Variants in CCDC196 observed in about 807,000 individuals in gnomAD.
CCDC196 encodes coiled-coil domain-containing protein 196.
At chr14:66,490,074 G>A (rs1368664378) in intron 4 of CCDC196, among the ~76,000 whole-genome samples, 1 of 151,934 alleles carries the variant, frequency 6.6e-6, no homozygotes, top group Non-Finnish European at 1.5e-5. Flanking sequence ...ATTGAGATCT[G>A]CTCCAGGTTC....
chr14:66,495,262 T>C (rs1411205187), intron 8 of CCDC196, among the ~76,000 whole-genome samples: 1 of 152,156 alleles, frequency 6.6e-6, no homozygotes. Context: ...AATTTAAGAC[T>C]CAGATACATG....
At position 66,488,183 on chromosome 14, in the gene CCDC196, T is replaced by C; in HGVS notation, c.227T>C (p.Met76Thr). 4.8e-6 allele frequency: 2 copies of C among 413,180 alleles called. No homozygotes were observed. The highest frequency in any genetic ancestry group is 1.3e-4 in the South Asian group (1 of 7,852). 25.6% of individuals were successfully genotyped at this position (413,180 alleles called of 1,614,324 possible). Residue 76 changes from methionine to threonine, a missense_variant, in exon 3 of 10, where the codon ATG (methionine) becomes ACG (threonine). Physicochemically the swap from Met to Thr is moderately conservative, Grantham distance 81. Coordinates refer to ENST00000636229, the MANE Select transcript of CCDC196 (RefSeq NM_001351576.1). ...QRSLQIMRQI[M>T]AGKGCEESSV... ...AGTCTTCAGATCATGAGACAGATCA[T>C]GGCAGGGAAGGGGTGTGAGGAATCC...
rs1378768940 is a variant in CCDC196, at chr14:66,486,717, G to C, written c.111G>C (p.Lys37Asn). ...KELNEDLKLRKQELLEMLKPL... is the reference protein window; with the variant it reads ...KELNEDLKLRNQELLEMLKPL... ...TGAATGAGGACTTAAAGCTAAGGAA[G>C]CAGGAACTGCTAGAGATGCTCAAAC... The change falls in exon 2 of 10, where the codon AAG becomes AAC. Residue 37 changes from lysine to asparagine, a missense_variant. Coordinates refer to ENST00000636229, the MANE Select transcript of CCDC196 (RefSeq NM_001351576.1). 2 of 413,310 alleles carry C rather than the reference G, an allele frequency of 4.8e-6. No individual in the cohort carries two copies. The highest frequency in any genetic ancestry group is 8.8e-5 in the Admixed American group (2 of 22,710). 25.6% of individuals were successfully genotyped at this position (413,310 alleles called of 1,614,324 possible). A position where few individuals can be genotyped will look rare whatever the true frequency, so the allele number is the denominator to read the frequency against.
At chr14:66,493,570 C>T (rs778304501) in intron 8 of CCDC196, among the ~76,000 whole-genome samples, 12 of 152,048 alleles carry the variant, frequency 7.9e-5, no homozygotes, top group Non-Finnish European at 1.6e-4. Flanking sequence ...CTCCTCTGTT[C>T]TTTGGCATAA....
intron 3 of CCDC196, among the ~76,000 whole-genome samples, 173 bp from the exon 4 acceptor site, chr14:66,488,814 C>T (rs540969063): frequency 1.0e-3 from 157 of 152,164 alleles, no homozygotes; most frequent in African/African-American, 3.4e-3. Flanking sequence ...TCATCATCAT[C>T]AAACATCTCT....
rs1040832616 is a variant in CCDC196, at chr14:66,490,824, G to C, written c.429+5G>C. 3 of 400,166 alleles carry C rather than the reference G, an allele frequency of 7.5e-6. No homozygotes were observed. Among genetic ancestry groups the C allele is most frequent in the Admixed American group, 4.4e-5 (1 of 22,746 alleles). The allele number at this position is 400,166 out of a possible 1,614,324, so 24.8% of individuals were successfully genotyped here. A position where few individuals can be genotyped will look rare whatever the true frequency, so the allele number is the denominator to read the frequency against. Reference sequence around the variant, plus strand: ...GCAGACTTGCAGGATGGAAAGGCAAGTGGACTGCATGTACTTAAAATTTCA... The same window carrying C: ...GCAGACTTGCAGGATGGAAAGGCAACTGGACTGCATGTACTTAAAATTTCA... On this transcript the variant is annotated splice_donor_5th_base_variant and intron_variant, in intron 5 of 9. Transcript: ENST00000636229.
At chr14:66,488,736 G>T (rs555059156) in intron 3 of CCDC196, among the ~76,000 whole-genome samples, 72 of 152,016 alleles carry the variant, frequency 4.7e-4, no homozygotes, top group African/African-American at 1.7e-3. Flanking sequence ...CATTTCTATA[G>T]ATACTGTCTC....
intron 6 of CCDC196, 98 bp from the exon 7 acceptor site, chr14:66,491,528 G>T (rs755550442): frequency 1.9e-5 from 8 of 412,068 alleles, no homozygotes; most frequent in South Asian, 1.3e-4. Context: ...GTAAATCTGC[G>T]ACACTATAAT....
chr14:66,496,387 C>T (rs1280604594), intron 8 of CCDC196: 10 of 455,928 alleles, frequency 2.2e-5, no homozygotes, highest in Non-Finnish European at 3.5e-5. Context: ...TTTTGTTACA[C>T]TTCAACAAAT....
chr14:66,496,440 C>G, intron 8 of CCDC196: 1 of 450,782 alleles, frequency 2.2e-6, no homozygotes, highest in Middle Eastern at 3.4e-4. Context: ...GTGGCATTAC[C>G]GTCATCCATG....
At chr14:66,490,346 T>C (rs2057507704) in intron 4 of CCDC196, among the ~76,000 whole-genome samples, 1 of 152,246 alleles carries the variant, frequency 6.6e-6, no homozygotes, top group South Asian at 2.1e-4. Context: ...TGTACTTTCC[T>C]AGTTGTGTAA....
chr14:66,496,297 G>C, intron 8 of CCDC196: 1 of 456,226 alleles, frequency 2.2e-6, no homozygotes, highest in South Asian at 1.5e-5. Context: ...TCCTCCCACT[G>C]TCCGATGTGC....
chr14:66,488,950 C>A, intron 3 of CCDC196, 37 bp from the exon 4 acceptor site: 1 of 413,106 alleles, frequency 2.4e-6, no homozygotes, highest in Non-Finnish European at 4.4e-6. Context: ...TGGACAAATA[C>A]ATGCTTCTGT....
intron 4 of CCDC196, among the ~76,000 whole-genome samples, chr14:66,490,323 C>T (rs1042871825): frequency 6.6e-6 from 1 of 152,188 alleles, no homozygotes; most frequent in South Asian, 2.1e-4. Flanking sequence ...AGATCTGGTT[C>T]AAATTCCAAC....
At position 66,491,123 on chromosome 14, in the gene CCDC196, ATGGCAG is replaced by A; in HGVS notation, c.513+24_513+29del. ...AAGGAAGGTAGTACAGCCATTCTGA[ATGGCAG>A]TGGCTTTTAGAGCTAGTAAACTAGA... is the stretch of plus-strand genomic sequence containing the variant. On this transcript the variant is annotated intron_variant, in intron 6 of 9. Coordinates refer to ENST00000636229, the MANE Select transcript of CCDC196 (RefSeq NM_001351576.1). 2.4e-6 allele frequency: 1 copy of A among 413,308 alleles called. No homozygotes were observed. Among genetic ancestry groups the A allele is most frequent in the Non-Finnish European group, 4.4e-6 (1 of 226,092 alleles). The allele number at this position is 413,308 out of a possible 1,614,324, so 25.6% of individuals were successfully genotyped here.
At chr14:66,496,008 A>C (rs552811128) in intron 8 of CCDC196, among the ~76,000 whole-genome samples, 28 of 152,278 alleles carry the variant, frequency 1.8e-4, no homozygotes, top group East Asian at 7.7e-4. Flanking sequence ...CCCTTCCACC[A>C]CAGATAAATC....
rs1293977026 is a variant in CCDC196 at position 66,486,559 on chromosome 14, CTT to C, written c.50+9_50+10del. ...ACCTGCCCTCAGAAATAAGGTGAGTCTTTGATGGAAAATGCTGAATAGAAAAG... is the reference window on the plus strand; with the variant it reads ...ACCTGCCCTCAGAAATAAGGTGAGTCTGATGGAAAATGCTGAATAGAAAAG... On this transcript the variant is annotated splice_region_variant and intron_variant, in intron 1 of 9. Transcript: ENST00000636229. 2.4e-6 allele frequency: 1 copy of C among 412,774 alleles called. No individual in the cohort carries two copies. The highest frequency in any genetic ancestry group is 2.1e-5 in the African/African-American group (1 of 48,414). 25.6% of individuals were successfully genotyped at this position (412,774 alleles called of 1,614,324 possible).
intron 3 of CCDC196, 96 bp from the exon 4 acceptor site, chr14:66,488,891 C>T (rs1029133729): frequency 2.4e-6 from 1 of 411,506 alleles, no homozygotes; most frequent in Non-Finnish European, 4.4e-6. Flanking sequence ...GTCCCTGGAC[C>T]CTTTTTCCAC....
Position 66,488,221 on chromosome 14 carries a change from C to T in CCDC196, c.265C>T (p.Leu89Phe), listed in dbSNP as rs1433993549. The change falls in exon 3 of 10, where the codon CTC (leucine) becomes TTC (phenylalanine). Residue 89 changes from leucine to phenylalanine, a missense_variant. Leu to Phe is a conservative substitution (Grantham distance 22). Coordinates refer to ENST00000636229, the MANE Select transcript of CCDC196 (RefSeq NM_001351576.1). ...GTGTGAGGAATCCTCGGTCATGGAGCTCCTTAAGGAAGCAGAGGAGATGAA... is the reference window on the plus strand; with the variant it reads ...GTGTGAGGAATCCTCGGTCATGGAGTTCCTTAAGGAAGCAGAGGAGATGAA... ...KGCEESSVME[L>F]LKEAEEMKQN... 4.8e-6 allele frequency: 2 copies of T among 413,008 alleles called. No individual in the cohort carries two copies. The highest frequency in any genetic ancestry group is 4.1e-5 in the African/African-American group (2 of 48,610). The allele number at this position is 413,008 out of a possible 1,614,324, so 25.6% of individuals were successfully genotyped here.
Sources: gnomAD v4.1 joint callset for allele counts (sites outside exome capture counted in the v4.1 genomes callset) on GRCh38, gnomAD v4.1.1 for gene constraint, MANE v1.5 for transcripts, NCBI Gene and HGNC (gene_info 2026-07-23, HGNC 2026-07-21) for gene names.